The following GDPD4 variants were observed in gnomAD, a reference collection of about 807,000 sequenced individuals.
GDPD4 encodes glycerophosphodiester phosphodiesterase domain containing 4.
A neutral mutation model predicts 67.8 loss-of-function variants in GDPD4; 60 were observed. The ratio of observed to expected loss-of-function variants is 0.88; its 90% CI spans 0.72 to 1.10. The LOEUF is 1.10. Among genes scored for constraint, GDPD4 ranks in the 50% least tolerant of loss-of-function variants. The pLI is 0.00. For synonymous variants in GDPD4, 212 were observed against 210.9 expected (o/e 1.00, Z -0.04); for missense variants, 623 against 613.9 (o/e 1.01, Z -0.16).
intron 5 of GDPD4, 24 bp from the exon 6 acceptor site, chr11:77,271,417 C>T: frequency 1.4e-6 from 2 of 1,460,906 alleles, no homozygotes; most frequent in Non-Finnish European, 1.9e-6. Flanking sequence ...AAAAAAATCT[C>T]CTGACTTCAA....
chr11:77,295,665 T>C (rs542006435), intron 1 of GDPD4, among the ~76,000 whole-genome samples: 9 of 152,134 alleles, frequency 5.9e-5, no homozygotes, highest in African/African-American at 2.2e-4. Flanking sequence ...CTATAAAACT[T>C]ACAGAAGAAA....
intron 4 of GDPD4, among the ~76,000 whole-genome samples, chr11:77,279,044 G>A (rs750925005): frequency 6.6e-6 from 1 of 152,206 alleles, no homozygotes; most frequent in Non-Finnish European, 1.5e-5. Flanking sequence ...CAAGGAAATA[G>A]AAAAAGGATG....
intron 4 of GDPD4, among the ~76,000 whole-genome samples, chr11:77,277,007 C>T (rs1019453610): frequency 6.6e-6 from 1 of 152,070 alleles, no homozygotes; most frequent in Admixed American, 6.6e-5. Context: ...GAATCCAGGT[C>T]CCCCTCCTTT....
intron 11 of GDPD4, among the ~76,000 whole-genome samples, chr11:77,252,115 G>C (rs1237127002): frequency 2.8e-5 from 4 of 143,854 alleles, no homozygotes; most frequent in Non-Finnish European, 4.5e-5. Flanking sequence ...CCAGGCTGGA[G>C]TGCAGTAGTG....
At position 77,268,550 on chromosome 11, in the gene GDPD4, AAAGGACAT is replaced by A; in HGVS notation, c.625-19_625-12del. The stretch of plus-strand genomic sequence containing the variant: ...ATTCTCAGGCCCCAACTGTAGAAGA[AAAGGACAT>A]CAGGCCCTAAGCCTCAGAGTCTCTC... On this transcript the variant is annotated splice_polypyrimidine_tract_variant and intron_variant, in intron 9 of 16. Transcript: ENST00000315938. 6.3e-7 allele frequency: 1 copy of A among 1,594,318 alleles called. No individual in the cohort carries two copies. Among genetic ancestry groups the A allele is most frequent in the Non-Finnish European group, 8.6e-7 (1 of 1,162,564 alleles).
chr11:77,222,502 T>C (rs1958247300), intron 16 of GDPD4, among the ~76,000 whole-genome samples: 1 of 152,184 alleles, frequency 6.6e-6, no homozygotes, highest in Non-Finnish European at 1.5e-5. Flanking sequence ...TTTGGCTGGA[T>C]ATGAAATTCT....
At chr11:77,234,939 G>A (rs983949085) in intron 13 of GDPD4, among the ~76,000 whole-genome samples, 26 of 150,368 alleles carry the variant, frequency 1.7e-4, no homozygotes, top group Non-Finnish European at 1.2e-4. Context: ...TTCCCCAGGG[G>A]CTGAACTAAT....
chr11:77,297,635 G>A (rs114100839), intron 1 of GDPD4, among the ~76,000 whole-genome samples: 60 of 151,806 alleles, frequency 4.0e-4, no homozygotes, highest in African/African-American at 1.4e-3. Flanking sequence ...GGCAAGTTAT[G>A]TAAGTATTCT....
At chr11:77,239,278 C>T (rs1161590027) in intron 13 of GDPD4, among the ~76,000 whole-genome samples, 1 of 152,166 alleles carries the variant, frequency 6.6e-6, no homozygotes, top group Admixed American at 6.5e-5. Flanking sequence ...CCTCTAAGAT[C>T]AGGAACAAGA....
At chr11:77,284,588 C>T (rs1338182099) in intron 3 of GDPD4, among the ~76,000 whole-genome samples, 1 of 152,084 alleles carries the variant, frequency 6.6e-6, no homozygotes, top group Non-Finnish European at 1.5e-5. Context: ...GGGAACATTC[C>T]AGAGTAGGAG....
chr11:77,223,795 C>T (rs1471424101), intron 16 of GDPD4, among the ~76,000 whole-genome samples: 2 of 152,154 alleles, frequency 1.3e-5, no homozygotes, highest in Non-Finnish European at 2.9e-5. Context: ...ATGCCCTGCC[C>T]CCAGAGGTGG....
chr11:77,230,829 C>G (rs1460556315), intron 14 of GDPD4, among the ~76,000 whole-genome samples: 1 of 152,196 alleles, frequency 6.6e-6, no homozygotes, highest in African/African-American at 2.4e-5. Context: ...CACCCTGAAT[C>G]TGAATTTGGC....
At chr11:77,282,940 C>A (rs986665302) in intron 3 of GDPD4, among the ~76,000 whole-genome samples, 2 of 151,998 alleles carry the variant, frequency 1.3e-5, no homozygotes, top group Admixed American at 1.3e-4. Context: ...AAAGATAAAC[C>A]ATGCAAAGCT....
chr11:77,269,524 G>C (rs1388370078), intron 8 of GDPD4, among the ~76,000 whole-genome samples: 1 of 152,166 alleles, frequency 6.6e-6, no homozygotes, highest in Non-Finnish European at 1.5e-5. Context: ...TTAAAGCCAA[G>C]TTCTGCCACT....
intron 14 of GDPD4, 129 bp from the exon 15 acceptor site, chr11:77,229,361 C>T: frequency 1.7e-6 from 1 of 592,854 alleles, no homozygotes; most frequent in Non-Finnish European, 3.0e-6. Context: ...GGCCAAGGAA[C>T]CTTGATTGAT....
intron 16 of GDPD4, among the ~76,000 whole-genome samples, chr11:77,222,139 C>CTGAATA (rs1958239358): frequency 6.6e-6 from 1 of 152,154 alleles, no homozygotes; most frequent in Admixed American, 6.5e-5. Context: ...GATGGGGCTC[C>CTGAATA]TGAATACAGC....
intron 5 of GDPD4, among the ~76,000 whole-genome samples, chr11:77,274,744 T>G (rs528663951): frequency 2.3e-4 from 35 of 152,314 alleles, no homozygotes; most frequent in Non-Finnish European, 4.1e-4. Context: ...ACTCAAGAGT[T>G]TGAAATGTTT....
At chr11:77,223,993 G>A (rs1274610364) in intron 16 of GDPD4, among the ~76,000 whole-genome samples, 1 of 152,234 alleles carries the variant, frequency 6.6e-6, no homozygotes, top group Non-Finnish European at 1.5e-5. Flanking sequence ...CGTGGGACCT[G>A]CTGAACCAGG....
chr11:77,218,230 T>C (rs1307571108), intron 16 of GDPD4, among the ~76,000 whole-genome samples: 1 of 145,928 alleles, frequency 6.9e-6, no homozygotes, highest in Non-Finnish European at 1.5e-5. Flanking sequence ...TATTTGGGCA[T>C]TCTTTCTCTC....
Sources: allele counts gnomAD v4.1 joint callset (sites outside exome capture counted in the v4.1 genomes callset), GRCh38; gene constraint gnomAD v4.1.1; transcripts MANE v1.5; gene names NCBI Gene and HGNC (gene_info 2026-07-23, HGNC 2026-07-21).